The following CFAP54 variants were observed in gnomAD, a reference collection of about 807,000 sequenced individuals.
CFAP54 encodes the protein cilia and flagella associated protein 54.
Under a neutral mutation model 370.4 loss-of-function variants are expected in CFAP54, and 290 were observed. That is an observed-to-expected ratio of 0.78 (90% CI 0.71 to 0.86). CFAP54 has a LOEUF of 0.86. Among genes scored for constraint, CFAP54 ranks in the 40% least tolerant of loss-of-function variants. The probability of loss-of-function intolerance (pLI) is 0.00; values close to 1 mark genes in which losing one functional copy is unlikely to be tolerated. For synonymous variants in CFAP54, 1,206 were observed against 1,236.5 expected, an observed-to-expected ratio of 0.98 and a Z score of 0.52; for missense variants, 3,399 against 3,528.7, an observed-to-expected ratio of 0.96 and a Z score of 0.93.
At chr12:96,684,928 T>C (rs139553424) in intron 41 of CFAP54, 101 bp from the exon 42 acceptor site, 4 of 1,111,226 alleles carry the variant, frequency 3.6e-6, no homozygotes, top group Non-Finnish European at 5.3e-6. Flanking sequence ...TATACGTATG[T>C]TAATTGACGT....
chr12:96,595,953 C>T (rs957082938), intron 25 of CFAP54, among the ~76,000 whole-genome samples: 8 of 152,082 alleles, frequency 5.3e-5, no homozygotes, highest in Non-Finnish European at 4.4e-5. Flanking sequence ...CTTCAATGTA[C>T]TTCACATTTC....
chr12:96,828,990 G>A, intron 65 of CFAP54, 24 bp from the exon 66 acceptor site: 1 of 1,270,118 alleles, frequency 7.9e-7, no homozygotes, highest in Non-Finnish European at 1.1e-6. Flanking sequence ...CAACCTCACT[G>A]TATTACTATC....
chr12:96,848,646 T>C (rs1336346531), intron 66 of CFAP54, among the ~76,000 whole-genome samples: 1 of 152,174 alleles, frequency 6.6e-6, no homozygotes, highest in Non-Finnish European at 1.5e-5. Flanking sequence ...TGCAGTGATC[T>C]GAGATCGCAC....
At chr12:96,564,406 TA>T in intron 17 of CFAP54, 61 bp from the exon 18 acceptor site, 1 of 637,076 alleles carries the variant, frequency 1.6e-6, no homozygotes, top group South Asian at 1.8e-5. Flanking sequence ...CCTTAGTATT[TA>T]AAAAATATTT....
intron 26 of CFAP54, among the ~76,000 whole-genome samples, chr12:96,620,519 A>G (rs754119964): frequency 6.6e-6 from 1 of 152,260 alleles, no homozygotes; most frequent in Admixed American, 6.5e-5. Context: ...TTGTGAGTCA[A>G]TTAAACCTCT....
chr12:96,843,349 A>G (rs17025962), intron 66 of CFAP54, among the ~76,000 whole-genome samples: 1,720 of 152,260 alleles, frequency 0.011, 81 homozygotes, highest in East Asian at 0.11. Flanking sequence ...ACCCAGTTAT[A>G]AGGTTGCCAG....
Position 96,750,342 on chromosome 12 carries a change from T to C in CFAP54, c.7685-3401T>C, listed in dbSNP as rs556886529. Among the ~76,000 whole-genome samples the C allele has an allele frequency of 5.3e-5, 8 of 152,280 alleles. No individual in the cohort carries two copies. The East Asian group carries it at 1.5e-3, about 29-fold the overall frequency. ...TGGAGAAGCTGATATTGGATTAGAT[T>C]GGGAAAGGGAGGGCAGAAAGGCATG... On this transcript the variant is annotated intron_variant, in intron 55 of 67. Transcript: ENST00000524981.
intron 58 of CFAP54, among the ~76,000 whole-genome samples, chr12:96,758,880 G>A (rs968655317): frequency 1.3e-5 from 2 of 152,138 alleles, no homozygotes; most frequent in Non-Finnish European, 2.9e-5. Context: ...TGCTGATGCC[G>A]CCGGTCTGTG....
intron 60 of CFAP54, among the ~76,000 whole-genome samples, chr12:96,773,732 G>A (rs1056318592): frequency 2.0e-5 from 3 of 151,938 alleles, no homozygotes; most frequent in African/African-American, 7.2e-5. Context: ...CTTTATATAG[G>A]TCCAGCATAA....
intron 66 of CFAP54, among the ~76,000 whole-genome samples, chr12:96,840,511 G>A (rs960150034): frequency 2.6e-5 from 4 of 151,950 alleles, no homozygotes; most frequent in African/African-American, 9.7e-5. Context: ...TCATTTACAA[G>A]ATTCTACATA....
intron 58 of CFAP54, 59 bp from the exon 59 acceptor site, chr12:96,764,092 A>G: frequency 2.8e-6 from 3 of 1,089,842 alleles, no homozygotes; most frequent in Non-Finnish European, 2.7e-6. Flanking sequence ...TGTCATCTTC[A>G]GAAGATGAGA....
intron 66 of CFAP54, among the ~76,000 whole-genome samples, chr12:96,848,172 G>A (rs1010420648): frequency 2.6e-5 from 4 of 152,030 alleles, no homozygotes; most frequent in African/African-American, 9.7e-5. Flanking sequence ...TACCTCCCAG[G>A]TTTGAGTGAT....
intron 50 of CFAP54, among the ~76,000 whole-genome samples, chr12:96,728,334 G>C (rs968223939): frequency 2.0e-5 from 3 of 152,108 alleles, no homozygotes; most frequent in South Asian, 2.1e-4. Flanking sequence ...CAGATTTGGT[G>C]TTTTCACATA....
chr12:96,739,803 G>A (rs1294091253), intron 50 of CFAP54, among the ~76,000 whole-genome samples, 153 bp from the exon 51 acceptor site: 1 of 152,288 alleles, frequency 6.6e-6, no homozygotes, highest in Admixed American at 6.5e-5. Context: ...TAAGACCAGG[G>A]TACTATTAGG....
intron 60 of CFAP54, among the ~76,000 whole-genome samples, chr12:96,766,565 T>A (rs1958403663): frequency 6.6e-6 from 1 of 152,090 alleles, no homozygotes; most frequent in Non-Finnish European, 1.5e-5. Context: ...GTATTAATAA[T>A]CAAGAGATTC....
At chr12:96,649,386 T>C (rs1396388773) in intron 34 of CFAP54, among the ~76,000 whole-genome samples, 2 of 152,150 alleles carry the variant, frequency 1.3e-5, no homozygotes, top group East Asian at 1.9e-4. Context: ...AATATTTTGC[T>C]ACCGAGACTT....
chr12:96,709,465 G>A (rs1281732596), intron 48 of CFAP54, among the ~76,000 whole-genome samples: 1 of 152,138 alleles, frequency 6.6e-6, no homozygotes, highest in Non-Finnish European at 1.5e-5. Context: ...GATGTTAACT[G>A]TGGGTTTTTC....
At chr12:96,823,402 T>C (rs1555339204) in intron 65 of CFAP54, among the ~76,000 whole-genome samples, 1 of 152,200 alleles carries the variant, frequency 6.6e-6, no homozygotes, top group Non-Finnish European at 1.5e-5. Context: ...GCTTCCTTAA[T>C]AGTTTGTGAA....
chr12:96,572,114 TA>T (rs1282601702), intron 19 of CFAP54, among the ~76,000 whole-genome samples: 1 of 152,246 alleles, frequency 6.6e-6, no homozygotes, highest in Admixed American at 6.5e-5. Flanking sequence ...TTTTCTTTCA[TA>T]ATTTTGTGTG....
Sources: allele counts gnomAD v4.1 joint callset (sites outside exome capture counted in the v4.1 genomes callset), GRCh38; gene constraint gnomAD v4.1.1; transcripts MANE v1.5; gene names NCBI Gene and HGNC (gene_info 2026-07-23, HGNC 2026-07-21).